SCAI: variants seen among roughly 807,000 people sequenced by gnomAD.
SCAI encodes the protein suppressor of cancer cell invasion.
A neutral mutation model predicts 92.2 loss-of-function variants in SCAI; 24 were observed. That is an observed-to-expected ratio of 0.26 (90% CI 0.19 to 0.37). The LOEUF (loss-of-function observed/expected upper bound fraction) is 0.37, where lower values mean the gene tolerates loss of function less well. Ranked by LOEUF, SCAI falls within the 10% of genes least tolerant of loss-of-function variation. SCAI has a pLI of 1.00. For synonymous variants in SCAI, 261 were observed against 258.6 expected, an observed-to-expected ratio of 1.01 and a Z score of -0.09; for missense variants, 450 against 736.2, an observed-to-expected ratio of 0.61 and a Z score of 4.50.
intron 2 of SCAI, among the ~76,000 whole-genome samples, chr9:125,131,650 T>G (rs1364614065): frequency 6.6e-6 from 1 of 152,134 alleles, no homozygotes; most frequent in Non-Finnish European, 1.5e-5. Context: ...ACACTGACCA[T>G]GCTATCTTGG....
chr9:125,063,888 G>A (rs1006266963), intron 2 of SCAI, among the ~76,000 whole-genome samples: 3 of 151,784 alleles, frequency 2.0e-5, no homozygotes, highest in Non-Finnish European at 4.4e-5. Context: ...CAAGTAGCTG[G>A]GATTACAGAC....
At chr9:124,978,349 G>A (rs932871977) in intron 14 of SCAI, among the ~76,000 whole-genome samples, 1 of 152,192 alleles carries the variant, frequency 6.6e-6, no homozygotes, top group African/African-American at 2.4e-5. Flanking sequence ...GCTGAGGCAG[G>A]AGAGTCACTT....
In SCAI at chr9:124,946,918, G is replaced by A. The variant is rs1412811220; in HGVS notation, c.*5889C>T. ...TCCAGTAAGAAAAAATCTGTAGCCG[G>A]AAATGCCAAGACAGGACTAAATTAA... is the stretch of plus-strand genomic sequence containing the variant. On this transcript the variant is annotated 3_prime_UTR_variant, in exon 18 of 18. Coordinates refer to ENST00000336505, the MANE Select transcript of SCAI (RefSeq NM_001144877.3). This position sits in a 1 kb window ranked among gnomAD's most constrained non-coding sequence, Gnocchi z 4.0. The A allele has an allele frequency of 6.6e-6, 1 of 152,168 alleles. No homozygotes were observed. The highest frequency in any genetic ancestry group is 6.5e-5 in the Admixed American group (1 of 15,268). 9.4% of individuals were successfully genotyped at this position (152,168 alleles called of 1,614,324 possible).
intron 3 of SCAI, among the ~76,000 whole-genome samples, chr9:125,045,973 C>G (rs1833425616): frequency 6.6e-6 from 1 of 151,556 alleles, no homozygotes; most frequent in Non-Finnish European, 1.5e-5. Flanking sequence ...TAAACTAGTA[C>G]AACCACTATG....
chr9:125,015,584 A>G (rs981401063), intron 9 of SCAI, among the ~76,000 whole-genome samples: 5 of 152,224 alleles, frequency 3.3e-5, no homozygotes, highest in African/African-American at 1.2e-4. Flanking sequence ...TATTGGTGGG[A>G]CTGTAAACTA....
intron 2 of SCAI, among the ~76,000 whole-genome samples, chr9:125,094,334 A>G (rs1834502457): frequency 1.3e-5 from 2 of 152,190 alleles, no homozygotes; most frequent in East Asian, 1.9e-4. Flanking sequence ...GTACACACCA[A>G]TACTCTACAC....
At position 124,943,428 on chromosome 9, in the gene SCAI, C is replaced by T. The variant is rs1292395378; in HGVS notation, c.*9379G>A. ...GATTTGTGAATAGCTAAATAGGCAA[C>T]CAAATAGCTTCATTATTTGCACGAC... On this transcript the variant is annotated 3_prime_UTR_variant, in exon 18 of 18. Transcript: ENST00000336505. 6.6e-6 allele frequency: 1 copy of T among 152,142 alleles called. No individual in the cohort carries two copies. Among genetic ancestry groups the T allele is most frequent in the Admixed American group, 6.5e-5 (1 of 15,278 alleles). The allele number at this position is 152,142 out of a possible 1,614,324, so 9.4% of individuals were successfully genotyped here.
chr9:124,985,943 G>A (rs1228981853), intron 14 of SCAI, among the ~76,000 whole-genome samples: 3 of 151,622 alleles, frequency 2.0e-5, no homozygotes, highest in Non-Finnish European at 4.4e-5. Context: ...TAATAAGTAT[G>A]CTTATTAAGT....
chr9:124,959,562 A>C (rs1297787779), intron 17 of SCAI, among the ~76,000 whole-genome samples: 1 of 150,970 alleles, frequency 6.6e-6, no homozygotes, highest in Non-Finnish European at 1.5e-5. Flanking sequence ...AAAATACTTT[A>C]AGTTCTAGGG....
intron 3 of SCAI, among the ~76,000 whole-genome samples, chr9:125,032,729 T>C (rs1451989161): frequency 6.6e-6 from 1 of 150,778 alleles, no homozygotes; most frequent in Non-Finnish European, 1.5e-5. Context: ...TTCTCCTACC[T>C]CAGCCTCCAA....
chr9:125,086,165 G>A lies in SCAI; in HGVS notation c.99-30158C>T, dbSNP rs541404036. Reference sequence around the variant, plus strand: ...ATATCATAGTTATTTGTGTACACTCGTCATCCCCTTCCTAAATTGTAAGCT... The same window carrying A: ...ATATCATAGTTATTTGTGTACACTCATCATCCCCTTCCTAAATTGTAAGCT... On this transcript the variant is annotated intron_variant, in intron 2 of 17. Transcript: ENST00000336505. 1.2e-4 allele frequency among the ~76,000 whole-genome samples: 18 copies of A among 152,126 alleles called. No individual in the cohort carries two copies. The South Asian group carries it at 1.9e-3, about 16-fold the overall frequency.
chr9:125,116,810 G>A lies in SCAI; in HGVS notation c.98+25823C>T, dbSNP rs146256187. On this transcript the variant is annotated intron_variant, in intron 2 of 17. Coordinates refer to ENST00000336505, the MANE Select transcript of SCAI (RefSeq NM_001144877.3). ...AATCATTGTTTTCTCTTGAAAATCT[G>A]TCCTAATTATCCCATTTTTTGAGCT... Among the ~76,000 whole-genome samples the A allele has an allele frequency of 1.5e-3, 232 of 152,024 alleles. 1 individual carries two copies. Among genetic ancestry groups the A allele is most frequent in the African/African-American group, 5.4e-3 (226 of 41,500 alleles).
intron 3 of SCAI, among the ~76,000 whole-genome samples, chr9:125,030,412 G>C (rs892612885): frequency 6.6e-6 from 1 of 152,144 alleles, no homozygotes; most frequent in African/African-American, 2.4e-5. Context: ...CTTCAGCCTG[G>C]AACACTGAGT....
intron 17 of SCAI, among the ~76,000 whole-genome samples, chr9:124,955,394 G>A (rs1237252442): frequency 6.6e-6 from 1 of 151,574 alleles, no homozygotes; most frequent in African/African-American, 2.4e-5. Context: ...GCAAGACACT[G>A]TCTCAAAAAT....
At chr9:125,135,449 C>T (rs956615261) in intron 2 of SCAI, among the ~76,000 whole-genome samples, 2 of 151,552 alleles carry the variant, frequency 1.3e-5, no homozygotes, top group African/African-American at 2.4e-5. Context: ...GCCAGGAGTT[C>T]GAGATCAGCC....
At chr9:125,038,948 G>A (rs1833257711) in intron 3 of SCAI, among the ~76,000 whole-genome samples, 1 of 152,144 alleles carries the variant, frequency 6.6e-6, no homozygotes, top group African/African-American at 2.4e-5. Flanking sequence ...CATGATCTGT[G>A]GCATTTTATT....
At chr9:125,045,127 C>A (rs528270915) in intron 3 of SCAI, among the ~76,000 whole-genome samples, 4 of 152,266 alleles carry the variant, frequency 2.6e-5, no homozygotes, top group Admixed American at 1.3e-4. Flanking sequence ...TGAGCCCAAG[C>A]AAAACTCGGG....
At chr9:124,983,445 G>T (rs371325742) in intron 14 of SCAI, among the ~76,000 whole-genome samples, 1 of 152,090 alleles carries the variant, frequency 6.6e-6, no homozygotes, top group African/African-American at 2.4e-5. Flanking sequence ...ACCACCTCCC[G>T]GGTTCAAGCA....
intron 2 of SCAI, among the ~76,000 whole-genome samples, chr9:125,098,743 T>C (rs1296795958): frequency 1.3e-5 from 2 of 152,166 alleles, no homozygotes; most frequent in African/African-American, 2.4e-5. Flanking sequence ...CAAAGGGAAG[T>C]CTCCAATCTA....
Sources: allele counts gnomAD v4.1 joint callset (sites outside exome capture counted in the v4.1 genomes callset), GRCh38; gene constraint gnomAD v4.1.1; non-coding constraint Gnocchi (gnomAD v3.1); transcripts MANE v1.5; gene names NCBI Gene and HGNC (gene_info 2026-07-23, HGNC 2026-07-21).